Variants in TYW1B observed in about 807,000 individuals in gnomAD.
TYW1B encodes the protein tRNA-yW synthesizing protein 1 homolog B.
In TYW1B, 73 loss-of-function variants were observed where a neutral mutation model predicts 86.9. That is an observed-to-expected ratio of 0.84 (90% CI 0.70 to 1.02). The LOEUF is 1.02. TYW1B is among the 50% of genes least tolerant of loss of function. The pLI is 0.00. For synonymous variants in TYW1B, 248 were observed against 292.8 expected, an observed-to-expected ratio of 0.85 and a Z score of 1.56; for missense variants, 637 against 827.4, an observed-to-expected ratio of 0.77 and a Z score of 2.82.
chr7:72,605,359 G>GTT (rs782005655), intron 13 of TYW1B, among the ~76,000 whole-genome samples: 9 of 140,500 alleles, frequency 6.4e-5, no homozygotes, highest in African/African-American at 1.0e-4. Context: ...TGTTTGTTTT[G>GTT]TTTTTTTTTT....
chr7:72,660,127 T>C (rs1404410254), intron 11 of TYW1B, among the ~76,000 whole-genome samples: 3 of 152,024 alleles, frequency 2.0e-5, no homozygotes, highest in Non-Finnish European at 2.9e-5. Flanking sequence ...CCCAGCACTT[T>C]AAGAGGCCAA....
chr7:72,721,777 C>G (rs1554457593), intron 9 of TYW1B, among the ~76,000 whole-genome samples: 1 of 152,128 alleles, frequency 6.6e-6, no homozygotes, highest in Non-Finnish European at 1.5e-5. Context: ...AGCAAGTTTT[C>G]TGACATTTTT....
At chr7:72,656,570 C>T (rs192843860) in intron 11 of TYW1B, among the ~76,000 whole-genome samples, 22 of 151,584 alleles carry the variant, frequency 1.5e-4, no homozygotes, top group Admixed American at 1.4e-3. Context: ...ATCGAGATCG[C>T]GCCACTGCAC....
intron 5 of TYW1B, among the ~76,000 whole-genome samples, chr7:72,806,533 G>T (rs1171410329): frequency 5.9e-5 from 9 of 151,794 alleles, no homozygotes; most frequent in Non-Finnish European, 1.3e-4. Context: ...CACCGTGCCC[G>T]GCCTAAAGAA....
At chr7:72,584,658 G>A (rs181728197) in intron 13 of TYW1B, among the ~76,000 whole-genome samples, 267 of 152,156 alleles carry the variant, frequency 1.8e-3, no homozygotes, top group Non-Finnish European at 3.3e-3. Context: ...GTTTCGCCAC[G>A]TTGGCCTGGC....
intron 2 of TYW1B, among the ~76,000 whole-genome samples, chr7:72,825,263 T>TG (rs1262196985): frequency 6.6e-6 from 1 of 151,748 alleles, no homozygotes; most frequent in Non-Finnish European, 1.5e-5. Flanking sequence ...CAGACACTGT[T>TG]CCCCCCCAAA....
intron 7 of TYW1B, among the ~76,000 whole-genome samples, chr7:72,772,050 T>C (rs1554469745): frequency 6.6e-6 from 1 of 151,840 alleles, no homozygotes; most frequent in Non-Finnish European, 1.5e-5. Context: ...GGTTTCACCA[T>C]GTTGGCCAGG....
At chr7:72,709,787 G>A (rs551205948) in intron 10 of TYW1B, among the ~76,000 whole-genome samples, 8 of 152,278 alleles carry the variant, frequency 5.3e-5, no homozygotes, top group African/African-American at 1.9e-4. Flanking sequence ...CAGGATCGGA[G>A]AAATTTGCTA....
intron 9 of TYW1B, among the ~76,000 whole-genome samples, chr7:72,718,039 A>G (rs1786824206): frequency 6.6e-6 from 1 of 152,230 alleles, no homozygotes. Context: ...TCGCAGCACT[A>G]TTCACAATAG....
intron 11 of TYW1B, among the ~76,000 whole-genome samples, chr7:72,661,135 CAA>C (rs1300929929): frequency 6.5e-5 from 7 of 108,190 alleles, no homozygotes; most frequent in Non-Finnish European, 3.8e-5. Context: ...ACTCTGTCTC[CAA>C]AAAAAAAAAA....
intron 9 of TYW1B, among the ~76,000 whole-genome samples, chr7:72,725,537 A>G (rs537410113): frequency 2.6e-5 from 4 of 152,248 alleles, no homozygotes; most frequent in East Asian, 1.9e-4. Flanking sequence ...CGGCGTCCAG[A>G]TATTTGTTCA....
chr7:72,797,434 C>T (rs1277553129), intron 6 of TYW1B, among the ~76,000 whole-genome samples: 1 of 152,210 alleles, frequency 6.6e-6, no homozygotes, highest in African/African-American at 2.4e-5. Flanking sequence ...AGCTCTGTGT[C>T]TCTCCCTCAT....
chr7:72,583,192 A>C (rs1429650629), intron 13 of TYW1B, among the ~76,000 whole-genome samples: 1 of 152,210 alleles, frequency 6.6e-6, no homozygotes, highest in East Asian at 1.9e-4. Flanking sequence ...GTGAAACCCC[A>C]TCTCTACTAA....
chr7:72,770,427 CAA>C (rs587645992), intron 7 of TYW1B, among the ~76,000 whole-genome samples: 1 of 94,480 alleles, frequency 1.1e-5, no homozygotes, highest in Non-Finnish European at 2.0e-5. Flanking sequence ...GACTCCGTCT[CAA>C]AAAAAAAAAA....
In TYW1B at chr7:72,800,260, T is replaced by C. The variant is rs1788382080; in HGVS notation, c.846+2140A>G. Among the ~76,000 whole-genome samples, 3 of 151,918 alleles carry C rather than the reference T, an allele frequency of 2.0e-5. No individual in the cohort carries two copies. In the South Asian group the frequency reaches 6.2e-4, roughly 32 times the overall value. On this transcript the variant is annotated intron_variant, in intron 6 of 13. Transcript: ENST00000620995. ...TCATGCAGGCCGGGGTGCCGTGACA[T>C]GATCACAGCTCACTGCAGCCTCAAA...
chr7:72,631,753 T>C (rs1451769568), intron 11 of TYW1B, among the ~76,000 whole-genome samples: 1 of 151,820 alleles, frequency 6.6e-6, no homozygotes, highest in African/African-American at 2.4e-5. Context: ...TATATATATA[T>C]AAACAAACAG....
intron 9 of TYW1B, among the ~76,000 whole-genome samples, chr7:72,723,989 G>GTTT (rs202113253): frequency 7.0e-6 from 1 of 143,044 alleles, no homozygotes; most frequent in Non-Finnish European, 1.5e-5. Context: ...ACTAATTAGG[G>GTTT]TTTTTTTTTC....
chr7:72,680,070 G>A (rs1813832497), intron 11 of TYW1B, among the ~76,000 whole-genome samples: 1 of 152,224 alleles, frequency 6.6e-6, no homozygotes, highest in Non-Finnish European at 1.5e-5. Context: ...TCAAGGCTGT[G>A]GTGAGCCATG....
intron 3 of TYW1B, among the ~76,000 whole-genome samples, chr7:72,812,078 AC>A (rs1232397508): frequency 1.3e-5 from 2 of 151,868 alleles, no homozygotes; most frequent in Non-Finnish European, 2.9e-5. Flanking sequence ...GAAACAAAAT[AC>A]AGGCTGGGTA....
Sources: gnomAD v4.1 joint callset for allele counts (sites outside exome capture counted in the v4.1 genomes callset) on GRCh38, gnomAD v4.1.1 for gene constraint, MANE v1.5 for transcripts, NCBI Gene and HGNC (gene_info 2026-07-23, HGNC 2026-07-21) for gene names.